Variants in ZNF469 observed in about 807,000 individuals in gnomAD.
The protein encoded by ZNF469 is zinc finger protein 469.
ZNF469 carries 1 observed loss-of-function variant against 1.0 expected under a neutral mutation model. The ratio of observed to expected loss-of-function variants is 1.00; its 90% CI spans 0.35 to 4.73. The LOEUF is 4.73. Among genes scored for constraint, ZNF469 ranks in the 30% most tolerant of loss-of-function variants. The pLI, the probability that ZNF469 is intolerant of heterozygous loss-of-function variation, is 0.16. For missense variants in ZNF469, 6,100 were observed against 5,356.3 expected (o/e 1.14, Z -4.33); for synonymous variants, 2,703 against 2,363.4 (o/e 1.14, Z -4.17).
At chr16:88,376,208 T>C in the ZNF469 span, among the ~76,000 whole-genome samples, 3 of 152,190 alleles carry the variant, frequency 2.0e-5, no homozygotes, top group African/African-American at 4.8e-5. Context: ...CAATGCGCCT[T>C]TTACTGTGGG....
At chr16:88,331,114 CCACCATCACCATCGT>C in the ZNF469 span, among the ~76,000 whole-genome samples, 1 of 150,452 alleles carries the variant, frequency 6.6e-6, no homozygotes, top group African/African-American at 2.5e-5. Context: ...ACCATCGCCA[CCACCATCACCATCGT>C]CACCATCACC....
the ZNF469 span, among the ~76,000 whole-genome samples, chr16:88,105,798 C>T: frequency 6.6e-6 from 1 of 152,240 alleles, no homozygotes; most frequent in African/African-American, 2.4e-5. Flanking sequence ...GGGATAACGG[C>T]ACGTGTGCTA....
chr16:88,142,111 G>A, the ZNF469 span, among the ~76,000 whole-genome samples: 1 of 152,238 alleles, frequency 6.6e-6, no homozygotes, highest in South Asian at 2.1e-4. Context: ...GCTTCCAGGG[G>A]AACAACACAG....
upstream of ZNF469, among the ~76,000 whole-genome samples, chr16:88,382,090 A>C (rs879794398): frequency 1.3e-5 from 2 of 152,164 alleles, no homozygotes; most frequent in East Asian, 3.9e-4. Context: ...AAGTCCACCA[A>C]GTTCATGACT....
the ZNF469 span, among the ~76,000 whole-genome samples, chr16:88,353,807 C>G: frequency 6.6e-6 from 1 of 152,184 alleles, no homozygotes; most frequent in East Asian, 1.9e-4. Flanking sequence ...TGCGGCCACT[C>G]GCTGAGGACC....
the ZNF469 span, among the ~76,000 whole-genome samples, chr16:88,109,087 A>G: frequency 6.6e-6 from 1 of 152,212 alleles, no homozygotes; most frequent in South Asian, 2.1e-4. Context: ...GCCAGCTGCC[A>G]GGGTTGTCGA....
the ZNF469 span, among the ~76,000 whole-genome samples, chr16:88,305,295 C>G: frequency 7.1e-6 from 1 of 140,448 alleles, no homozygotes; most frequent in Non-Finnish European, 1.6e-5. Flanking sequence ...CACACACACA[C>G]GCACACCCTC....
At chr16:88,360,142 C>A in the ZNF469 span, among the ~76,000 whole-genome samples, 1 of 151,970 alleles carries the variant, frequency 6.6e-6, no homozygotes, top group Non-Finnish European at 1.5e-5. Flanking sequence ...GCATGAGAAA[C>A]CACACCCGGC....
In ZNF469 at chr16:88,439,577, C is replaced by T. The variant is rs974253198; in HGVS notation, c.*245C>T. On this transcript the variant is annotated 3_prime_UTR_variant, in exon 3 of 3. Coordinates refer to ENST00000565624, the MANE Select transcript of ZNF469 (RefSeq NM_001367624.2). ...CCACTGCAGCCCTTTTGAGACCACACAGCTGTTTTCTTGGTACCAAGTACT... is the reference window on the plus strand; with the variant it reads ...CCACTGCAGCCCTTTTGAGACCACATAGCTGTTTTCTTGGTACCAAGTACT... 2.3e-5 allele frequency: 13 copies of T among 557,578 alleles called. No homozygotes were observed. Among genetic ancestry groups the T allele is most frequent in the Non-Finnish European group, 3.9e-5 (12 of 311,586 alleles). The allele number at this position is 557,578 out of a possible 1,614,324, so 34.5% of individuals were successfully genotyped here.
the ZNF469 span, among the ~76,000 whole-genome samples, chr16:88,337,991 G>A: frequency 6.6e-6 from 1 of 152,164 alleles, no homozygotes; most frequent in Non-Finnish European, 1.5e-5. Context: ...TAGCTTATGA[G>A]GATCCACTTT....
the ZNF469 span, among the ~76,000 whole-genome samples, chr16:88,170,574 C>T: frequency 6.6e-6 from 1 of 152,166 alleles, no homozygotes; most frequent in Non-Finnish European, 1.5e-5. This position sits in a 1 kb window ranked among gnomAD's most constrained non-coding sequence, Gnocchi z 4.2. Context: ...CTTGGCATGA[C>T]GTCCTCCAGC....
the ZNF469 span, among the ~76,000 whole-genome samples, chr16:88,301,169 T>TC: frequency 6.6e-6 from 1 of 151,546 alleles, no homozygotes; most frequent in Non-Finnish European, 1.5e-5. Flanking sequence ...TTTCTTTTTT[T>TC]TTTGAGATGG....
At chr16:88,154,777 A>G in the ZNF469 span, among the ~76,000 whole-genome samples, 9 of 152,196 alleles carry the variant, frequency 5.9e-5, no homozygotes, top group African/African-American at 2.2e-4. Flanking sequence ...TGCCCGTGCC[A>G]TCGAGGGGAC....
the ZNF469 span, among the ~76,000 whole-genome samples, chr16:88,266,355 G>T: frequency 6.6e-6 from 1 of 152,242 alleles, no homozygotes; most frequent in Admixed American, 6.5e-5. Flanking sequence ...GGGCCGCTCC[G>T]GCTGAGCTTC....
the ZNF469 span, among the ~76,000 whole-genome samples, chr16:88,224,015 A>G: frequency 3.3e-5 from 5 of 152,318 alleles, no homozygotes; most frequent in South Asian, 6.2e-4. Context: ...TCTAATGTGG[A>G]TGATTTTCTT....
chr16:88,366,539 C>T, the ZNF469 span, among the ~76,000 whole-genome samples: 7 of 148,902 alleles, frequency 4.7e-5, no homozygotes, highest in African/African-American at 1.7e-4. Context: ...ATCATCATCA[C>T]CACCACCATC....
the ZNF469 span, among the ~76,000 whole-genome samples, chr16:88,192,540 C>G: frequency 3.9e-5 from 6 of 152,222 alleles, no homozygotes; most frequent in Admixed American, 3.9e-4. Flanking sequence ...CTCCCAGCTT[C>G]TCAGGAGCAA....
chr16:88,291,138 G>A, the ZNF469 span, among the ~76,000 whole-genome samples: 1 of 152,140 alleles, frequency 6.6e-6, no homozygotes, highest in Admixed American at 6.5e-5. Context: ...CCACATAGAT[G>A]GGGCAGTCCG....
chr16:88,120,079 G>A, the ZNF469 span, among the ~76,000 whole-genome samples: 1 of 152,236 alleles, frequency 6.6e-6, no homozygotes, highest in Non-Finnish European at 1.5e-5. Flanking sequence ...GGCTGCACCG[G>A]GTAGAGTGTG....
Sources: gnomAD v4.1 joint callset for allele counts (sites outside exome capture counted in the v4.1 genomes callset) on GRCh38, gnomAD v4.1.1 for gene constraint, Gnocchi (gnomAD v3.1) non-coding constraint, MANE v1.5 for transcripts, NCBI Gene and HGNC (gene_info 2026-07-23, HGNC 2026-07-21) for gene names.